Variants in ANKRD44 observed in about 807,000 individuals in gnomAD.
ANKRD44 encodes ankyrin repeat domain 44, also known as serine/threonine-protein phosphatase 6 regulatory ankyrin repeat subunit B.
A neutral mutation model predicts 116.0 loss-of-function variants in ANKRD44; 35 were observed. That is an observed-to-expected ratio of 0.30 (90% CI 0.23 to 0.40). The LOEUF is 0.40. ANKRD44 is among the 10% of genes least tolerant of loss of function. The pLI is 1.00. For missense variants in ANKRD44, 1,014 were observed against 1,242.6 expected, an observed-to-expected ratio of 0.82 and a Z score of 2.77; for synonymous variants, 435 against 461.8, an observed-to-expected ratio of 0.94 and a Z score of 0.74.
intron 16 of ANKRD44, among the ~76,000 whole-genome samples, chr2:197,070,069 A>G (rs1256124151): frequency 6.6e-6 from 1 of 152,122 alleles, no homozygotes; most frequent in Admixed American, 6.6e-5. Flanking sequence ...CAGAAATGCA[A>G]TTGATTTTTA....
intron 1 of ANKRD44, among the ~76,000 whole-genome samples, chr2:197,234,456 T>C (rs940974054): frequency 1.3e-5 from 2 of 152,248 alleles, no homozygotes; most frequent in Admixed American, 1.3e-4. Flanking sequence ...CCTCACACAG[T>C]GCTGGGATTA....
intron 10 of ANKRD44, among the ~76,000 whole-genome samples, chr2:197,098,306 A>G (rs990459667): frequency 6.6e-6 from 1 of 152,158 alleles, no homozygotes; most frequent in African/African-American, 2.4e-5. Flanking sequence ...TATCCTACCA[A>G]TCTACCAGAG....
chr2:197,067,565 C>G (rs2077461145), intron 16 of ANKRD44, among the ~76,000 whole-genome samples: 1 of 135,784 alleles, frequency 7.4e-6, no homozygotes, highest in African/African-American at 2.8e-5. Context: ...TGAACAGACA[C>G]TTCTCAAAAG....
At chr2:197,144,317 G>T (rs573663202) in intron 3 of ANKRD44, among the ~76,000 whole-genome samples, 7 of 152,174 alleles carry the variant, frequency 4.6e-5, no homozygotes, top group African/African-American at 1.7e-4. Flanking sequence ...TGGCAAGGCC[G>T]AATTATTTGT....
chr2:197,090,126 A>C, intron 10 of ANKRD44, 94 bp from the exon 11 acceptor site: 1 of 958,760 alleles, frequency 1.0e-6, no homozygotes, highest in Non-Finnish European at 1.7e-6. Flanking sequence ...ATGAAAATTA[A>C]CAACACCTTG....
At chr2:197,125,499 T>G in intron 5 of ANKRD44, 31 bp from the exon 6 acceptor site, 1 of 1,594,584 alleles carries the variant, frequency 6.3e-7, no homozygotes, top group Non-Finnish European at 8.6e-7. Context: ...AAATCAAGCA[T>G]ACATTCTGTA....
chr2:197,273,142 T>C (rs2082947336), intron 1 of ANKRD44, among the ~76,000 whole-genome samples: 1 of 152,210 alleles, frequency 6.6e-6, no homozygotes, highest in African/African-American at 2.4e-5. Context: ...CCAAGGTTCC[T>C]AATTCCTCAG....
intron 1 of ANKRD44, among the ~76,000 whole-genome samples, chr2:197,306,458 G>A (rs1272901010): frequency 6.6e-6 from 1 of 152,188 alleles, no homozygotes; most frequent in East Asian, 1.9e-4. Context: ...TACAATAAGA[G>A]CACAATAAAT....
chr2:197,066,540 C>A (rs1480004887), intron 16 of ANKRD44, among the ~76,000 whole-genome samples: 1 of 152,100 alleles, frequency 6.6e-6, no homozygotes, highest in African/African-American at 2.4e-5. Flanking sequence ...TTTAGAAAAC[C>A]CCATCGTCTC....
intron 4 of ANKRD44, among the ~76,000 whole-genome samples, chr2:197,132,697 A>G (rs997494431): frequency 1.3e-5 from 2 of 152,166 alleles, no homozygotes; most frequent in Non-Finnish European, 2.9e-5. Context: ...GATTATTACC[A>G]TCAACATTCT....
intron 16 of ANKRD44, among the ~76,000 whole-genome samples, chr2:197,072,827 A>G (rs937078625): frequency 6.6e-6 from 1 of 152,208 alleles, no homozygotes; most frequent in African/African-American, 2.4e-5. Context: ...TAATACATTT[A>G]TTCTCTTTTT....
intron 1 of ANKRD44, among the ~76,000 whole-genome samples, chr2:197,218,751 CTTTTTTTTTTTT>C (rs138330364): frequency 3.8e-5 from 2 of 52,346 alleles, no homozygotes; most frequent in African/African-American, 1.4e-4. Context: ...GGTAAAGTCC[CTTTTTTTTTTTT>C]TTTTTTTTTT....
At chr2:197,202,944 T>C (rs2081126757) in intron 1 of ANKRD44, among the ~76,000 whole-genome samples, 1 of 151,916 alleles carries the variant, frequency 6.6e-6, no homozygotes. Context: ...CTGGATTGCA[T>C]ATCAAAATCC....
At chr2:197,005,645 T>A in intron 21 of ANKRD44, 49 bp downstream of exon 21, 1 of 1,574,896 alleles carries the variant, frequency 6.3e-7, no homozygotes, top group African/African-American at 1.3e-5. Flanking sequence ...CTCACAGTGG[T>A]CCTGGGGTAG....
intron 16 of ANKRD44, among the ~76,000 whole-genome samples, chr2:197,032,597 C>T (rs2076728516): frequency 6.6e-6 from 1 of 152,094 alleles, no homozygotes; most frequent in African/African-American, 2.4e-5. Context: ...ACCATGTTAG[C>T]CAGGATAGTC....
chr2:197,103,085 C>T (rs111803494), intron 9 of ANKRD44, among the ~76,000 whole-genome samples: 5,274 of 151,976 alleles, frequency 0.035, 328 homozygotes, highest in African/African-American at 0.12. Flanking sequence ...AAAAATTAGC[C>T]GGCATGGTGG....
At chr2:197,026,658 C>T (rs910163135) in intron 16 of ANKRD44, among the ~76,000 whole-genome samples, 4 of 152,010 alleles carry the variant, frequency 2.6e-5, no homozygotes, top group African/African-American at 9.7e-5. Flanking sequence ...TGACTTTTAT[C>T]CCAAGTGAGG....
At chr2:197,200,503 G>C (rs898647911) in intron 1 of ANKRD44, among the ~76,000 whole-genome samples, 2 of 152,124 alleles carry the variant, frequency 1.3e-5, no homozygotes, top group African/African-American at 4.8e-5. Flanking sequence ...GCCAGACTCT[G>C]CTTAAAGATA....
intron 2 of ANKRD44, among the ~76,000 whole-genome samples, chr2:197,173,145 A>G (rs2080282056): frequency 1.3e-5 from 2 of 152,220 alleles, no homozygotes; most frequent in Admixed American, 6.5e-5. Context: ...CAAGATATTC[A>G]TAGTACAGCC....
Sources: gnomAD v4.1 joint callset for allele counts (sites outside exome capture counted in the v4.1 genomes callset) on GRCh38, gnomAD v4.1.1 for gene constraint, MANE v1.5 for transcripts, NCBI Gene and HGNC (gene_info 2026-07-23, HGNC 2026-07-21) for gene names.